PSMD1: variants seen among roughly 807,000 people sequenced by gnomAD.
PSMD1 encodes proteasome 26S subunit, non-ATPase 1.
PSMD1 carries 18 observed loss-of-function variants against 119.0 expected under a neutral mutation model. The ratio of observed to expected loss-of-function variants is 0.15; its 90% CI spans 0.10 to 0.22. The LOEUF (loss-of-function observed/expected upper bound fraction) is 0.22, where lower values mean the gene tolerates loss of function less well. Among genes scored for constraint, PSMD1 ranks in the 10% least tolerant of loss-of-function variants. The pLI, the probability that PSMD1 is intolerant of heterozygous loss-of-function variation, is 1.00. For missense variants in PSMD1, 702 were observed against 1,158.5 expected (o/e 0.61, Z 5.72); for synonymous variants, 374 against 396.6 (o/e 0.94, Z 0.68).
chr2:231,082,647 G>T (rs1488171698), intron 12 of PSMD1, among the ~76,000 whole-genome samples: 1 of 152,210 alleles, frequency 6.6e-6, no homozygotes, highest in African/African-American at 2.4e-5. Context: ...GGAGTTTGCA[G>T]TGAGCCCAGA....
At chr2:231,063,247 G>A (rs904919634) in intron 4 of PSMD1, among the ~76,000 whole-genome samples, 4 of 152,136 alleles carry the variant, frequency 2.6e-5, no homozygotes, top group African/African-American at 7.2e-5. Flanking sequence ...CACAGGCAAG[G>A]CTTTGAATTT....
chr2:231,120,108 T>C (rs1695486556), intron 16 of PSMD1, among the ~76,000 whole-genome samples: 1 of 151,872 alleles, frequency 6.6e-6, no homozygotes, highest in South Asian at 2.1e-4. Flanking sequence ...CGTACCACCA[T>C]GCCCAGCTAA....
intron 8 of PSMD1, among the ~76,000 whole-genome samples, chr2:231,076,258 G>A (rs1258790731): frequency 2.6e-5 from 4 of 152,192 alleles, no homozygotes; most frequent in African/African-American, 7.2e-5. Context: ...CGTATTGGAA[G>A]GGTAGGGTAA....
intron 7 of PSMD1, 27 bp downstream of exon 7, chr2:231,072,442 A>T: frequency 6.6e-7 from 1 of 1,517,994 alleles, no homozygotes; most frequent in Non-Finnish European, 9.1e-7. Context: ...CTGCATCAAA[A>T]CTAATTGAAT....
At chr2:231,105,849 A>G (rs1042990598) in intron 16 of PSMD1, among the ~76,000 whole-genome samples, 2 of 152,062 alleles carry the variant, frequency 1.3e-5, no homozygotes, top group Non-Finnish European at 2.9e-5. Flanking sequence ...TCACAATTCT[A>G]TATCAATTTG....
chr2:231,057,392 GC>G (rs1430623886), intron 1 of PSMD1, among the ~76,000 whole-genome samples: 1 of 152,194 alleles, frequency 6.6e-6, no homozygotes, highest in Non-Finnish European at 1.5e-5. Context: ...CCCAGTTCTT[GC>G]CCGCAGGGGG....
chr2:231,121,231 A>G (rs1001951254), intron 16 of PSMD1, among the ~76,000 whole-genome samples: 3 of 152,212 alleles, frequency 2.0e-5, no homozygotes, highest in African/African-American at 7.2e-5. Context: ...TTGTAATTAG[A>G]AATTAACAAA....
chr2:231,164,655 C>T (rs543068651), intron 21 of PSMD1, among the ~76,000 whole-genome samples: 4 of 152,116 alleles, frequency 2.6e-5, no homozygotes, highest in African/African-American at 7.2e-5. Context: ...AGCTTTTACA[C>T]CAGTATTGCC....
chr2:231,094,745 G>A (rs1458376626), intron 16 of PSMD1, among the ~76,000 whole-genome samples: 2 of 152,342 alleles, frequency 1.3e-5, no homozygotes, highest in African/African-American at 2.4e-5. Context: ...CACAACTACA[G>A]AAGTATGAGA....
intron 16 of PSMD1, among the ~76,000 whole-genome samples, chr2:231,118,887 A>C (rs189494358): frequency 4.4e-4 from 67 of 152,352 alleles, no homozygotes; most frequent in Non-Finnish European, 5.0e-4. Context: ...CAGCAGGACA[A>C]ATCATAAATA....
chr2:231,092,043 G>A (rs893408456), intron 16 of PSMD1, among the ~76,000 whole-genome samples: 2 of 152,138 alleles, frequency 1.3e-5, no homozygotes, highest in African/African-American at 4.8e-5. Context: ...TACCTACAAA[G>A]GTAGCTGTTT....
chr2:231,151,594 T>A (rs1297258761), intron 18 of PSMD1, among the ~76,000 whole-genome samples: 1 of 152,198 alleles, frequency 6.6e-6, no homozygotes, highest in East Asian at 1.9e-4. Context: ...TCTATTGTTT[T>A]GGGTACAATT....
In PSMD1 at chr2:231,153,640, T is replaced by A; in HGVS notation, c.2192T>A (p.Ile731Asn). 3 of 1,613,134 alleles carry A rather than the reference T, an allele frequency of 1.9e-6. No homozygotes were observed. Among genetic ancestry groups the A allele is most frequent in the Non-Finnish European group, 2.5e-6 (3 of 1,179,182 alleles). The change falls in exon 19 of 25, where the codon ATT becomes AAT. Residue 731 changes from isoleucine (I) to asparagine (N), a missense_variant. Ile to Asn is a moderately radical substitution (Grantham distance 149). Transcript: ENST00000308696. ...HDDVMAKFGA[I>N]LAQGILDAGG... Reference sequence around the variant, plus strand: ...GATGTCATGGCCAAGTTTGGCGCTATTCTGGCCCAGGGCATACTGGATGCA... The same window carrying A: ...GATGTCATGGCCAAGTTTGGCGCTAATCTGGCCCAGGGCATACTGGATGCA...
intron 9 of PSMD1, among the ~76,000 whole-genome samples, 183 bp downstream of exon 9, chr2:231,077,345 T>C (rs1694193514): frequency 6.6e-6 from 1 of 152,146 alleles, no homozygotes; most frequent in Non-Finnish European, 1.5e-5. Flanking sequence ...AGGAAGAAAA[T>C]GAGCAATGAT....
At position 231,083,677 on chromosome 2, in the gene PSMD1, C is replaced by T. The variant is rs1465877090; in HGVS notation, c.1636C>T (p.Arg546Cys). The change falls in exon 14 of 25, where the codon CGT becomes TGT. Residue 546 changes from arginine (R) to cysteine (C), a missense_variant. By Grantham distance (180) the Arg-to-Cys change is radical. This residue lies in a region of PSMD1 where 272 missense variants were observed against 511.6 expected (regional missense o/e 0.53). Transcript: ENST00000308696. ...AGAAACTCAACATGAGAAGATTCTG[C>T]GTGGTCTTGCAGTTGGCATAGCTTT... Reference protein sequence around the residue: ...AQETQHEKILRGLAVGIALVM... With the variant: ...AQETQHEKILCGLAVGIALVM... 1.2e-6 allele frequency: 2 copies of T among 1,614,134 alleles called. No homozygotes were observed. Among genetic ancestry groups the T allele is most frequent in the Non-Finnish European group, 1.7e-6 (2 of 1,180,030 alleles).
At chr2:231,150,172 C>T (rs1326742013) in intron 18 of PSMD1, among the ~76,000 whole-genome samples, 2 of 151,804 alleles carry the variant, frequency 1.3e-5, no homozygotes, top group Middle Eastern at 3.2e-3. Flanking sequence ...AGCGAAACCC[C>T]GTCTCTACTA....
intron 16 of PSMD1, among the ~76,000 whole-genome samples, chr2:231,109,899 G>A (rs1310013591): frequency 6.6e-6 from 1 of 152,158 alleles, no homozygotes; most frequent in African/African-American, 2.4e-5. Context: ...TGATATGTGT[G>A]AATGTCTTTT....
chr2:231,088,411 G>T (rs1694507196), intron 16 of PSMD1, among the ~76,000 whole-genome samples: 1 of 152,146 alleles, frequency 6.6e-6, no homozygotes, highest in African/African-American at 2.4e-5. Context: ...AAAATTGAAG[G>T]TTTGTGACAA....
Position 231,056,874 on chromosome 2 carries a change from C to A in PSMD1, c.-152C>A. On this transcript the variant is annotated 5_prime_UTR_variant, in exon 1 of 25. Coordinates refer to ENST00000308696, the MANE Select transcript of PSMD1 (RefSeq NM_002807.4). ...AGCCCCTGGGCGGGCGGGGTCCTGG[C>A]GAGAAGCGAGCCGGCGGCCTGAGGA... is the stretch of plus-strand genomic sequence containing the variant. 3 of 1,102,310 alleles carry A rather than the reference C, an allele frequency of 2.7e-6. No homozygotes were observed. The highest frequency in any genetic ancestry group is 2.6e-6 in the Non-Finnish European group (2 of 767,902). The allele number at this position is 1,102,310 out of a possible 1,614,324, so 68.3% of individuals were successfully genotyped here. A position where few individuals can be genotyped will look rare whatever the true frequency, so the allele number is the denominator to read the frequency against.
Sources: allele counts gnomAD v4.1 joint callset (sites outside exome capture counted in the v4.1 genomes callset), GRCh38; gene constraint gnomAD v4.1.1; regional missense constraint gnomAD v4.1.1; transcripts MANE v1.5; gene names NCBI Gene and HGNC (gene_info 2026-07-23, HGNC 2026-07-21).